Variants in ELAPOR2 observed in about 807,000 individuals in gnomAD.
The protein encoded by ELAPOR2 is endosome-lysosome associated apoptosis and autophagy regulator family member 2, also known as endosome/lysosome-associated apoptosis and autophagy regulator family member 2.
ELAPOR2 carries 89 observed loss-of-function variants against 120.7 expected under a neutral mutation model. That is an observed-to-expected ratio of 0.74 (90% CI 0.62 to 0.88). The LOEUF (loss-of-function observed/expected upper bound fraction) is 0.88. Among genes scored for constraint, ELAPOR2 ranks in the 40% least tolerant of loss-of-function variants. ELAPOR2 has a pLI of 0.00. For synonymous variants in ELAPOR2, 444 were observed against 444.9 expected (o/e 1.00, Z 0.03); for missense variants, 1,134 against 1,251.6 (o/e 0.91, Z 1.42).
At chr7:86,973,236 T>C (rs1214895802) in intron 1 of ELAPOR2, among the ~76,000 whole-genome samples, 1 of 152,184 alleles carries the variant, frequency 6.6e-6, no homozygotes, top group Admixed American at 6.5e-5. Context: ...AATCTTGGAT[T>C]GCATAAAATG....
At chr7:86,892,776 C>T (rs1788227732) in intron 20 of ELAPOR2, 146 bp downstream of exon 20, 1 of 590,732 alleles carries the variant, frequency 1.7e-6, no homozygotes, top group Non-Finnish European at 2.6e-6. Context: ...CTTGCTTTCT[C>T]AAGGCCTTTC....
At chr7:87,016,583 G>T (rs1353484298) in intron 1 of ELAPOR2, among the ~76,000 whole-genome samples, 1 of 151,334 alleles carries the variant, frequency 6.6e-6, no homozygotes, top group Non-Finnish European at 1.5e-5. Context: ...TGTTGCAATT[G>T]CTTTTATCAA....
intron 1 of ELAPOR2, among the ~76,000 whole-genome samples, chr7:87,049,986 T>C (rs1562986841): frequency 6.6e-6 from 1 of 152,208 alleles, no homozygotes; most frequent in Non-Finnish European, 1.5e-5. Flanking sequence ...GCACTTGTTC[T>C]CTTTCTCTCT....
At chr7:86,962,071 T>C (rs1791734416) in intron 2 of ELAPOR2, among the ~76,000 whole-genome samples, 1 of 152,018 alleles carries the variant, frequency 6.6e-6, no homozygotes, top group East Asian at 1.9e-4. Context: ...TACCCCAGGG[T>C]TCTAGAACAA....
At chr7:87,018,821 A>C (rs1793949140) in intron 1 of ELAPOR2, among the ~76,000 whole-genome samples, 1 of 152,250 alleles carries the variant, frequency 6.6e-6, no homozygotes, top group Non-Finnish European at 1.5e-5. Flanking sequence ...TTAGTGTACT[A>C]GTAGCCTTGA....
At chr7:87,013,440 T>A (rs958311064) in intron 1 of ELAPOR2, among the ~76,000 whole-genome samples, 1 of 152,230 alleles carries the variant, frequency 6.6e-6, no homozygotes, top group Non-Finnish European at 1.5e-5. Flanking sequence ...GTTTTCTGAT[T>A]ATTTTTAAAA....
intron 1 of ELAPOR2, among the ~76,000 whole-genome samples, chr7:87,000,773 T>C (rs1793291348): frequency 6.6e-6 from 1 of 152,164 alleles, no homozygotes; most frequent in South Asian, 2.1e-4. Context: ...AGTAGCTATG[T>C]TGCTAAATTT....
chr7:86,951,345 T>C (rs943191888), intron 2 of ELAPOR2, among the ~76,000 whole-genome samples: 1 of 152,230 alleles, frequency 6.6e-6, no homozygotes, highest in Non-Finnish European at 1.5e-5. Flanking sequence ...ATCTATAACT[T>C]AATAAAAGGT....
chr7:86,984,228 A>G (rs1792624193), intron 1 of ELAPOR2, among the ~76,000 whole-genome samples: 1 of 152,170 alleles, frequency 6.6e-6, no homozygotes, highest in East Asian at 1.9e-4. Flanking sequence ...CTCCCACACA[A>G]TAATAATGGG....
Position 86,964,997 on chromosome 7 carries a change from A to T in ELAPOR2, c.217T>A (p.Cys73Ser). The T allele has an allele frequency of 6.4e-7, 1 of 1,551,602 alleles. No homozygotes were observed. Among genetic ancestry groups the T allele is most frequent in the Admixed American group, 2.0e-5 (1 of 50,998 alleles). Residue 73 changes from cysteine to serine, a missense_variant, in exon 2 of 22, where the codon TGT becomes AGT. Physicochemically the swap from Cys to Ser is moderately radical, Grantham distance 112. Transcript: ENST00000450689. ...EKDYHFEYTE[C>S]DSSGSRWRVA... The stretch of plus-strand genomic sequence containing the variant: ...CTCCACCTGGAGCCACTGCTATCAC[A>T]TTCCGTATATTCAAAGTGATAATCT...
At chr7:87,031,017 C>T (rs141730106) in intron 1 of ELAPOR2, among the ~76,000 whole-genome samples, 15 of 152,216 alleles carry the variant, frequency 9.9e-5, no homozygotes, top group African/African-American at 3.4e-4. Context: ...ACCATCAGAT[C>T]GCATGAGACT....
intron 1 of ELAPOR2, among the ~76,000 whole-genome samples, chr7:87,022,753 T>A (rs1437296512): frequency 6.6e-6 from 1 of 150,758 alleles, no homozygotes; most frequent in Non-Finnish European, 1.5e-5. Flanking sequence ...GTTTCCTGAC[T>A]TTTTAATGAT....
intron 1 of ELAPOR2, among the ~76,000 whole-genome samples, chr7:86,997,215 T>C (rs1425614422): frequency 6.6e-6 from 1 of 152,182 alleles, no homozygotes; most frequent in African/African-American, 2.4e-5. Flanking sequence ...CGAAAGAAGC[T>C]GGCAAGTACC....
intron 1 of ELAPOR2, among the ~76,000 whole-genome samples, chr7:86,988,556 A>G (rs1792836537): frequency 6.6e-6 from 1 of 152,156 alleles, no homozygotes; most frequent in Non-Finnish European, 1.5e-5. Context: ...ATTGGAGGAT[A>G]TTGGTATCTA....
Position 86,909,909 on chromosome 7 carries a change from C to G in ELAPOR2, c.2262G>C (p.Gly754=), listed in dbSNP as rs779084393. ...TAATTGTTGACTGGCATACAAATGC[C>G]CCTACCAAATTTGTGTAATCATCTG... ...AGSDDYTNLV[G]AFVCQSTIIP... is the part of the protein sequence containing the mutation. The change falls in exon 16 of 22, where the codon GGG becomes GGC. Residue 754 remains glycine (G), a synonymous_variant. Coordinates refer to ENST00000450689, the MANE Select transcript of ELAPOR2 (RefSeq NM_001142749.3). The G allele has an allele frequency of 1.9e-6, 3 of 1,613,034 alleles. No individual in the cohort carries two copies. The highest frequency in any genetic ancestry group is 2.5e-6 in the Non-Finnish European group (3 of 1,179,362).
rs141364054 is a variant in ELAPOR2 at position 86,977,057 on chromosome 7, C to T, written c.190-12033G>A. On this transcript the variant is annotated intron_variant, in intron 1 of 21. Coordinates refer to ENST00000450689, the MANE Select transcript of ELAPOR2 (RefSeq NM_001142749.3). ...TGAGATAGGCAATAATTCTATAATACCAACTCATATTTATGTATGTCTCAA... is the reference window on the plus strand; with the variant it reads ...TGAGATAGGCAATAATTCTATAATATCAACTCATATTTATGTATGTCTCAA... 1.7e-3 allele frequency among the ~76,000 whole-genome samples: 256 copies of T among 152,290 alleles called. 2 individuals carry two copies. The highest frequency in any genetic ancestry group is 5.9e-3 in the African/African-American group (246 of 41,562).
chr7:86,940,675 A>G (rs1446008325), intron 5 of ELAPOR2, among the ~76,000 whole-genome samples: 4 of 152,180 alleles, frequency 2.6e-5, no homozygotes. Flanking sequence ...CTACTGGAAT[A>G]TTTTGCTAAT....
At chr7:87,019,519 AAAGTCATT>A (rs2116694138) in intron 1 of ELAPOR2, among the ~76,000 whole-genome samples, 1 of 152,306 alleles carries the variant, frequency 6.6e-6, no homozygotes, top group African/African-American at 2.4e-5. Flanking sequence ...AAACTCACTA[AAAGTCATT>A]AAGCAGGCAT....
At chr7:87,038,817 A>G (rs1794670213) in intron 1 of ELAPOR2, among the ~76,000 whole-genome samples, 1 of 152,092 alleles carries the variant, frequency 6.6e-6, no homozygotes, top group Non-Finnish European at 1.5e-5. Flanking sequence ...TATAGCTATA[A>G]GTGTCTACAT....
Sources: allele counts gnomAD v4.1 joint callset (sites outside exome capture counted in the v4.1 genomes callset), GRCh38; gene constraint gnomAD v4.1.1; transcripts MANE v1.5; gene names NCBI Gene and HGNC (gene_info 2026-07-23, HGNC 2026-07-21).